Variants in TANC1 observed in about 807,000 individuals in gnomAD.
TANC1 encodes the protein protein TANC1.
A neutral mutation model predicts 149.7 loss-of-function variants in TANC1; 77 were observed. The observed-to-expected ratio is 0.51, with a 90% CI of 0.43 to 0.62. The LOEUF is 0.62. TANC1 is among the 20% of genes least tolerant of loss of function. The pLI, the probability that TANC1 is intolerant of heterozygous loss-of-function variation, is 0.00. For missense variants in TANC1, 1,985 were observed against 2,321.8 expected (o/e 0.85, Z 2.98); for synonymous variants, 854 against 925.0 (o/e 0.92, Z 1.39).
intron 19 of TANC1, among the ~76,000 whole-genome samples, chr2:159,216,037 A>ATG (rs2150902425): frequency 6.6e-6 from 1 of 151,438 alleles, no homozygotes; most frequent in Non-Finnish European, 1.5e-5. Flanking sequence ...GGGTGGGGAG[A>ATG]TACACCTGTC....
intron 1 of TANC1, among the ~76,000 whole-genome samples, chr2:158,976,529 T>C (rs368131465): frequency 4.0e-4 from 61 of 152,300 alleles, no homozygotes; most frequent in Middle Eastern, 3.4e-3. Flanking sequence ...AACAAGAAAA[T>C]GTTCTTATGA....
rs546706222 is a variant in TANC1, at chr2:159,079,712, G to A, written c.61+13741G>A. 1.1e-3 allele frequency among the ~76,000 whole-genome samples: 173 copies of A among 152,244 alleles called. 1 individual carries two copies. The highest frequency in any genetic ancestry group is 4.0e-3 in the African/African-American group (165 of 41,520). Reference sequence around the variant, plus strand: ...GTGGAAGGTTGAGGGAACCCATCACGGACTCAGACAGTGCCACTTAGGGTA... The same window carrying A: ...GTGGAAGGTTGAGGGAACCCATCACAGACTCAGACAGTGCCACTTAGGGTA... On this transcript the variant is annotated intron_variant, in intron 3 of 26. Transcript: ENST00000263635.
intron 4 of TANC1, among the ~76,000 whole-genome samples, chr2:159,111,398 A>C (rs531607672): frequency 2.3e-4 from 35 of 152,360 alleles, no homozygotes; most frequent in Non-Finnish European, 4.4e-4. Context: ...CAGGTAAGTG[A>C]TAAAGTCAGC....
chr2:158,971,386 A>T (rs1306549720), intron 1 of TANC1, among the ~76,000 whole-genome samples: 6 of 152,228 alleles, frequency 3.9e-5, no homozygotes, highest in African/African-American at 1.4e-4. Context: ...TCTCATAGAA[A>T]AAGAAATGGC....
intron 2 of TANC1, among the ~76,000 whole-genome samples, chr2:159,002,148 G>C (rs2036663964): frequency 2.0e-5 from 3 of 152,230 alleles, no homozygotes; most frequent in Non-Finnish European, 4.4e-5. Context: ...AGTCTTGTCA[G>C]CAGAGGATTC....
At chr2:159,136,002 T>TTGTGTGTGTGTGTGTGTGTGTG (rs754052800) in intron 4 of TANC1, among the ~76,000 whole-genome samples, 192 bp from the exon 5 acceptor site, 29 of 107,876 alleles carry the variant, frequency 2.7e-4, no homozygotes, top group Non-Finnish European at 4.8e-4. Flanking sequence ...TACTGAAATT[T>TTGTGTGTGTGTGTGTGTGTGTG]TGTGTGTGTG....
rs2036592801 is a variant in TANC1 at position 159,001,225 on chromosome 2, A to T, written c.-16+36A>T. On this transcript the variant is annotated intron_variant, in intron 2 of 26. Transcript: ENST00000263635. This position sits in a 1 kb window ranked among gnomAD's most constrained non-coding sequence, Gnocchi z 4.3. ...GCTGAGGATTGGGGTAGAGTGTGGT[A>T]TGACTGTGAGTAGTGACTCAAAGAG... 6.6e-6 allele frequency: 1 copy of T among 152,342 alleles called. No homozygotes were observed. Among genetic ancestry groups the T allele is most frequent in the Admixed American group, 6.5e-5 (1 of 15,280 alleles). The allele number at this position is 152,342 out of a possible 1,614,324, so 9.4% of individuals were successfully genotyped here.
chr2:159,004,541 G>A (rs1208289799), intron 2 of TANC1, among the ~76,000 whole-genome samples: 1 of 151,986 alleles, frequency 6.6e-6, no homozygotes, highest in African/African-American at 2.4e-5. Context: ...AAGTATTGGT[G>A]CAGTTTGAGG....
intron 2 of TANC1, among the ~76,000 whole-genome samples, chr2:159,034,546 G>A (rs560407819): frequency 1.3e-5 from 2 of 152,216 alleles, no homozygotes; most frequent in African/African-American, 4.8e-5. Context: ...ATTCTCATGG[G>A]CCATGGGATG....
At chr2:159,171,871 A>AAAAAAAAAAG (rs70994272) in intron 10 of TANC1, among the ~76,000 whole-genome samples, 29 of 105,594 alleles carry the variant, frequency 2.7e-4, no homozygotes, top group Middle Eastern at 5.4e-3. Context: ...AAAAAAAAAA[A>AAAAAAAAAAG]AAAAGAAAAA....
intron 19 of TANC1, among the ~76,000 whole-genome samples, chr2:159,210,696 T>A (rs1304698418): frequency 1.3e-5 from 2 of 151,564 alleles, no homozygotes; most frequent in African/African-American, 4.9e-5. Context: ...CTTTCCCGAG[T>A]AGCTGGGATT....
chr2:159,122,127 A>G (rs1161909625), intron 4 of TANC1, among the ~76,000 whole-genome samples: 1 of 152,324 alleles, frequency 6.6e-6, no homozygotes, highest in South Asian at 2.1e-4. Flanking sequence ...CTGTAGAGAC[A>G]GGGTTTCACC....
chr2:159,058,852 C>G (rs2042035377), intron 2 of TANC1, among the ~76,000 whole-genome samples: 1 of 152,122 alleles, frequency 6.6e-6, no homozygotes, highest in African/African-American at 2.4e-5. Context: ...TTGGTAGAAA[C>G]TCTTCCTGAA....
At chr2:159,184,735 A>G (rs1359321398) in intron 14 of TANC1, among the ~76,000 whole-genome samples, 1 of 152,172 alleles carries the variant, frequency 6.6e-6, no homozygotes, top group Admixed American at 6.5e-5. Context: ...GATCTGGGAC[A>G]TGGAAGGTGT....
chr2:159,072,638 T>C (rs2149733228), intron 3 of TANC1, among the ~76,000 whole-genome samples: 1 of 152,254 alleles, frequency 6.6e-6, no homozygotes, highest in South Asian at 2.1e-4. Flanking sequence ...CCCTTAAAAA[T>C]ATATAAATAA....
rs570457879 is a variant in TANC1, at chr2:159,107,824, G to A, written c.259+9990G>A. Among the ~76,000 whole-genome samples the A allele has an allele frequency of 4.6e-5, 7 of 152,194 alleles. No homozygotes were observed. The East Asian group carries it at 1.2e-3, about 25-fold the overall frequency. ...GTGAGAAGTAATATCCTTTTGCTCC[G>A]AGCATCTGTAGCACTGTGTCTCCTT... On this transcript the variant is annotated intron_variant, in intron 4 of 26. Coordinates refer to ENST00000263635, the MANE Select transcript of TANC1 (RefSeq NM_033394.3).
intron 3 of TANC1, among the ~76,000 whole-genome samples, chr2:159,066,660 A>G (rs2042693559): frequency 6.6e-6 from 1 of 152,204 alleles, no homozygotes; most frequent in East Asian, 1.9e-4. Context: ...TGTTTGACCA[A>G]CTGCTGGCTG....
At chr2:159,019,675 T>G (rs929301397) in intron 2 of TANC1, among the ~76,000 whole-genome samples, 2 of 93,106 alleles carry the variant, frequency 2.1e-5, no homozygotes, top group African/African-American at 7.2e-5. Context: ...TTTTTTTTTT[T>G]TTTTTTTTTT....
rs1242262944 is a variant in TANC1 at position 159,001,102 on chromosome 2, GTC to G, written c.-98_-97del. Reference sequence around the variant, plus strand: ...TAGGAGCTGACTGCTGGGCAGGAACGTCTCTCAGGAGAAAGAGTGGAAGAGAA... The same window carrying G: ...TAGGAGCTGACTGCTGGGCAGGAACGTCTCAGGAGAAAGAGTGGAAGAGAA... On this transcript the variant is annotated 5_prime_UTR_variant, in exon 2 of 27. Transcript: ENST00000263635. This position sits in a 1 kb window ranked among gnomAD's most constrained non-coding sequence, Gnocchi z 4.3. 1 of 152,324 alleles carries G rather than the reference GTC, an allele frequency of 6.6e-6. No individual in the cohort carries two copies. The highest frequency in any genetic ancestry group is 1.5e-5 in the Non-Finnish European group (1 of 68,114). The allele number at this position is 152,324 out of a possible 1,614,324, so 9.4% of individuals were successfully genotyped here.
Sources: gnomAD v4.1 joint callset for allele counts (sites outside exome capture counted in the v4.1 genomes callset) on GRCh38, gnomAD v4.1.1 for gene constraint, Gnocchi (gnomAD v3.1) non-coding constraint, MANE v1.5 for transcripts, NCBI Gene and HGNC (gene_info 2026-07-23, HGNC 2026-07-21) for gene names.